The following ACAP2 variants were observed in gnomAD, a reference collection of about 807,000 sequenced individuals.
ACAP2 encodes arf-GAP with coiled-coil, ANK repeat and PH domain-containing protein 2.
ACAP2 carries 39 observed loss-of-function variants against 115.8 expected under a neutral mutation model. The observed-to-expected ratio is 0.34, with a 90% CI of 0.26 to 0.44. ACAP2 has a LOEUF of 0.44. Ranked by LOEUF, ACAP2 falls within the 20% of genes least tolerant of loss-of-function variation. ACAP2 has a pLI of 1.00. For synonymous variants in ACAP2, 289 were observed against 315.8 expected (o/e 0.92, Z 0.90); for missense variants, 662 against 927.6 (o/e 0.71, Z 3.72).
intron 21 of ACAP2, among the ~76,000 whole-genome samples, chr3:195,288,347 G>A (rs1048249121): frequency 6.6e-6 from 1 of 152,184 alleles, no homozygotes; most frequent in African/African-American, 2.4e-5. Context: ...ATAAGTTCAT[G>A]CATGTAAAGT....
intron 4 of ACAP2, among the ~76,000 whole-genome samples, chr3:195,352,674 C>T (rs7634345): frequency 0.46 from 70,287 of 152,014 alleles, 17,749 homozygotes; most frequent in Middle Eastern, 0.68. Context: ...TTTAACACTG[C>T]TTTCTTCAAA....
intron 4 of ACAP2, among the ~76,000 whole-genome samples, chr3:195,369,094 CA>C (rs10540801): frequency 0.085 from 9,469 of 111,382 alleles, 519 homozygotes; most frequent in African/African-American, 0.19. Flanking sequence ...CAAAAACAAA[CA>C]AAAAAAAAAA....
At chr3:195,349,421 C>T (rs948904580) in intron 4 of ACAP2, among the ~76,000 whole-genome samples, 1 of 152,064 alleles carries the variant, frequency 6.6e-6, no homozygotes, top group Non-Finnish European at 1.5e-5. Flanking sequence ...GCAGAGCTTG[C>T]AGTGAACCGA....
At chr3:195,323,091 G>A (rs990927983) in intron 9 of ACAP2, among the ~76,000 whole-genome samples, 5 of 152,182 alleles carry the variant, frequency 3.3e-5, no homozygotes, top group Non-Finnish European at 5.9e-5. Flanking sequence ...TTGAGTTTTG[G>A]TGTGAGGTCC....
At chr3:195,436,119 GTATATA>G (rs145050136) in intron 1 of ACAP2, among the ~76,000 whole-genome samples, 1 of 126,914 alleles carries the variant, frequency 7.9e-6, no homozygotes, top group Non-Finnish European at 1.6e-5. Flanking sequence ...ACATATATAT[GTATATA>G]TATATATATT....
chr3:195,374,465 A>G (rs1733379588), intron 4 of ACAP2, among the ~76,000 whole-genome samples: 1 of 152,240 alleles, frequency 6.6e-6, no homozygotes, highest in Non-Finnish European at 1.5e-5. Context: ...GAGCACTTCC[A>G]TTTTATGAAT....
chr3:195,325,261 C>T (rs981034543), intron 9 of ACAP2, among the ~76,000 whole-genome samples: 4 of 152,032 alleles, frequency 2.6e-5, no homozygotes, highest in Non-Finnish European at 5.9e-5. Context: ...AGTTTTACTC[C>T]TAGGTATAAA....
intron 5 of ACAP2, among the ~76,000 whole-genome samples, chr3:195,343,880 G>A (rs1226490394): frequency 2.0e-5 from 3 of 152,176 alleles, no homozygotes; most frequent in African/African-American, 7.2e-5. Flanking sequence ...AAACTGTTAT[G>A]TGTGCATTCT....
intron 8 of ACAP2, among the ~76,000 whole-genome samples, chr3:195,329,668 C>G (rs560530485): frequency 2.3e-4 from 35 of 152,260 alleles, no homozygotes; most frequent in Admixed American, 2.2e-3. Context: ...GTCCCCAGCT[C>G]CATGGAAACA....
At chr3:195,317,584 T>G (rs553700807) in intron 10 of ACAP2, among the ~76,000 whole-genome samples, 1 of 152,334 alleles carries the variant, frequency 6.6e-6, no homozygotes, top group Non-Finnish European at 1.5e-5. Flanking sequence ...GGTTGAAGCT[T>G]TAATGTCTGA....
chr3:195,400,550 A>G (rs1388032438), intron 1 of ACAP2, among the ~76,000 whole-genome samples: 1 of 152,126 alleles, frequency 6.6e-6, no homozygotes, highest in Non-Finnish European at 1.5e-5. Context: ...GACTTTCTAC[A>G]AAATCATTCC....
At chr3:195,363,580 C>T (rs113682892) in intron 4 of ACAP2, among the ~76,000 whole-genome samples, 2 of 151,748 alleles carry the variant, frequency 1.3e-5, no homozygotes, top group African/African-American at 4.8e-5. Context: ...ACAATCTTCA[C>T]AAAAATAGAA....
At chr3:195,315,022 C>G (rs1273838156) in intron 10 of ACAP2, among the ~76,000 whole-genome samples, 1 of 152,198 alleles carries the variant, frequency 6.6e-6, no homozygotes, top group Non-Finnish European at 1.5e-5. Context: ...TGGACTTTCA[C>G]TGATTGGCTG....
intron 1 of ACAP2, among the ~76,000 whole-genome samples, chr3:195,396,422 C>T (rs569457230): frequency 1.4e-3 from 212 of 152,036 alleles, no homozygotes; most frequent in African/African-American, 4.7e-3. Flanking sequence ...AAAGAGTATA[C>T]ATTAAAATAA....
chr3:195,362,881 T>C (rs1187880962), intron 4 of ACAP2, among the ~76,000 whole-genome samples: 1 of 152,192 alleles, frequency 6.6e-6, no homozygotes, highest in Non-Finnish European at 1.5e-5. Context: ...GAAAGCCTTT[T>C]CTCTAAGATC....
chr3:195,352,995 C>T (rs1020309292), intron 4 of ACAP2, among the ~76,000 whole-genome samples: 1 of 150,944 alleles, frequency 6.6e-6, no homozygotes, highest in Non-Finnish European at 1.5e-5. Flanking sequence ...GCACAAGAAT[C>T]GCTTCAACCT....
At chr3:195,420,412 A>G (rs990265545) in intron 1 of ACAP2, among the ~76,000 whole-genome samples, 12 of 150,190 alleles carry the variant, frequency 8.0e-5, no homozygotes, top group South Asian at 2.1e-4. Context: ...GCAGTGGCGC[A>G]ATCTCGGCTC....
In ACAP2 at chr3:195,278,743, A is replaced by G. The variant is rs1310447382; in HGVS notation, c.*585T>C. ...GTACTGGACAATAACCTGTCACCTA[A>G]GAAGTATAACCGACCGCATTTATGA... On this transcript the variant is annotated 3_prime_UTR_variant, in exon 23 of 23. Coordinates refer to ENST00000326793, the MANE Select transcript of ACAP2 (RefSeq NM_012287.6). 6.6e-6 allele frequency: 1 copy of G among 152,322 alleles called. No homozygotes were observed. The highest frequency in any genetic ancestry group is 2.4e-5 in the African/African-American group (1 of 41,446). 9.4% of individuals were successfully genotyped at this position (152,322 alleles called of 1,614,324 possible). A position where few individuals can be genotyped will look rare whatever the true frequency, so the allele number is the denominator to read the frequency against.
intron 4 of ACAP2, chr3:195,349,840 C>T (rs1163353429): frequency 8.5e-6 from 3 of 354,670 alleles, no homozygotes; most frequent in South Asian, 2.4e-5. Context: ...TCTAGATGTG[C>T]GCATTGACAC....
Sources: allele counts gnomAD v4.1 joint callset (sites outside exome capture counted in the v4.1 genomes callset), GRCh38; gene constraint gnomAD v4.1.1; transcripts MANE v1.5; gene names NCBI Gene and HGNC (gene_info 2026-07-23, HGNC 2026-07-21).